ARL6IP6: variants seen among roughly 807,000 people sequenced by gnomAD.
ARL6IP6 encodes ARF like GTPase 6 interacting protein 6.
In ARL6IP6, 22 loss-of-function variants were observed where a neutral mutation model predicts 21.5. The ratio of observed to expected loss-of-function variants is 1.02; its 90% CI spans 0.73 to 1.46. ARL6IP6 has a LOEUF of 1.46. Ranked by LOEUF, ARL6IP6 falls within the 40% of genes most tolerant of loss-of-function variation. The pLI is 0.00. For missense variants in ARL6IP6, 388 were observed against 299.8 expected, an observed-to-expected ratio of 1.29 and a Z score of -2.17; for synonymous variants, 164 against 125.3, an observed-to-expected ratio of 1.31 and a Z score of -2.06.
At chr2:152,746,645 A>G (rs1438266576) in intron 3 of ARL6IP6, among the ~76,000 whole-genome samples, 2 of 152,114 alleles carry the variant, frequency 1.3e-5, no homozygotes, top group East Asian at 1.9e-4. Context: ...GTACCCTCAT[A>G]GGCAGTAAGT....
intron 3 of ARL6IP6, among the ~76,000 whole-genome samples, chr2:152,750,634 T>G (rs1021377060): frequency 5.6e-5 from 2 of 35,622 alleles, no homozygotes; most frequent in Non-Finnish European, 1.0e-4. Context: ...GTTCTTTTCT[T>G]TCCCTTTACA....
intron 3 of ARL6IP6, among the ~76,000 whole-genome samples, chr2:152,749,470 G>C (rs1375390324): frequency 3.9e-5 from 6 of 152,118 alleles, no homozygotes; most frequent in African/African-American, 1.2e-4. Context: ...GTTTTACTTG[G>C]AAGGGAGAAT....
chr2:152,721,694 TC>T (rs1699797546), intron 2 of ARL6IP6, among the ~76,000 whole-genome samples: 1 of 152,210 alleles, frequency 6.6e-6, no homozygotes. Flanking sequence ...ATGACACATG[TC>T]CTCCCCTCTC....
rs547911378 is a variant in ARL6IP6 at position 152,761,446 on chromosome 2, A to G, written c.*1606A>G. On this transcript the variant is annotated 3_prime_UTR_variant, in exon 4 of 4. Coordinates refer to ENST00000326446, the MANE Select transcript of ARL6IP6 (RefSeq NM_152522.7). ...AGAATCAATTTATCTTCTCTCCACCACTCTGTATTCCCACGCACCACCAAT... is the reference window on the plus strand; with the variant it reads ...AGAATCAATTTATCTTCTCTCCACCGCTCTGTATTCCCACGCACCACCAAT... Among the ~76,000 whole-genome samples the G allele has an allele frequency of 6.6e-6, 1 of 151,724 alleles. No individual in the cohort carries two copies. Among genetic ancestry groups the G allele is most frequent in the Non-Finnish European group, 1.5e-5 (1 of 67,948 alleles).
At chr2:152,719,565 A>G (rs897429041) in intron 1 of ARL6IP6, among the ~76,000 whole-genome samples, 1 of 152,180 alleles carries the variant, frequency 6.6e-6, no homozygotes, top group African/African-American at 2.4e-5. Flanking sequence ...TGTTGCAGAA[A>G]GTATAGTCCA....
chr2:152,745,828 C>T (rs907985295), intron 3 of ARL6IP6, among the ~76,000 whole-genome samples: 3 of 151,902 alleles, frequency 2.0e-5, no homozygotes, highest in African/African-American at 4.8e-5. Flanking sequence ...GGCATTGCAC[C>T]GCGGCTTCTT....
In ARL6IP6 at chr2:152,718,811, GC is replaced by G; in HGVS notation, c.188del (p.Ala63GlyfsTer68). ...CCTGCGGGCGGAGTTCTCGGCTGGG[GC>G]GTGGTCAGAGCCCAGAAAGCGCTCG... The part of the protein sequence containing the change: ...RDLRAEFSAG[A>X]WSEPRKRSVL... On this transcript the variant is annotated frameshift_variant, in exon 1 of 4. Coordinates refer to ENST00000326446, the MANE Select transcript of ARL6IP6 (RefSeq NM_152522.7). LOFTEE classifies it high-confidence loss of function. 6.2e-7 allele frequency: 1 copy of G among 1,608,432 alleles called. No homozygotes were observed. Among genetic ancestry groups the G allele is most frequent in the Non-Finnish European group, 8.5e-7 (1 of 1,177,264 alleles).
At chr2:152,718,328 C>G (rs966772992), upstream of ARL6IP6, 1 of 326,160 alleles carries the variant, frequency 3.1e-6, no homozygotes, top group Non-Finnish European at 5.3e-6. Flanking sequence ...CGGGACGAAG[C>G]CCCGCAGGGA....
At chr2:152,731,628 A>G (rs1451552090) in intron 2 of ARL6IP6, among the ~76,000 whole-genome samples, 1 of 152,060 alleles carries the variant, frequency 6.6e-6, no homozygotes, top group Non-Finnish European at 1.5e-5. Flanking sequence ...ATTTTTTACA[A>G]ATTTACTTAG....
At chr2:152,718,039 G>C, upstream of ARL6IP6, 1 of 995,302 alleles carries the variant, frequency 1.0e-6, no homozygotes, top group Non-Finnish European at 1.2e-6. Flanking sequence ...CGAGTAGCGG[G>C]AGGGAAGTTG....
chr2:152,738,407 C>G (rs750135270), intron 3 of ARL6IP6, among the ~76,000 whole-genome samples: 4 of 152,238 alleles, frequency 2.6e-5, no homozygotes, highest in Non-Finnish European at 4.4e-5. Context: ...GCTCCCACCC[C>G]ACATTTCCCT....
chr2:152,759,093 G>GA (rs1423075337), intron 3 of ARL6IP6, among the ~76,000 whole-genome samples: 1 of 152,132 alleles, frequency 6.6e-6, no homozygotes, highest in Non-Finnish European at 1.5e-5. Flanking sequence ...ACTGTTGTAA[G>GA]ATTGTTACAA....
rs149208313 is a variant in ARL6IP6 at position 152,718,867 on chromosome 2, C to A, written c.243C>A (p.Pro81=). The A allele has an allele frequency of 3.7e-5, 60 of 1,613,522 alleles. No homozygotes were observed. The African/African-American group carries it at 6.7e-4, about 18-fold the overall frequency. Residue 81 remains proline (P), a synonymous_variant, in exon 1 of 4, where the codon CCC becomes CCA. Coordinates refer to ENST00000326446, the MANE Select transcript of ARL6IP6 (RefSeq NM_152522.7). ...SVLPPDGNGS[P]VLPDKRNGIF... ...TCCCGCCGGACGGGAACGGGTCGCC[C>A]GTTCTGCCCGATAAGCGCAATGGTA...
rs769480444 is a variant in ARL6IP6, at chr2:152,759,784, A to C, written c.625A>C (p.Met209Leu). ...ACATTCTTTCCACATGGGCTATAGCATGGCGATTTTGAATGGCATCGTAGC... is the reference window on the plus strand; with the variant it reads ...ACATTCTTTCCACATGGGCTATAGCCTGGCGATTTTGAATGGCATCGTAGC... ...TGHSFHMGYS[M>L]AILNGIVAAL... is the part of the protein sequence containing the mutation. The change falls in exon 4 of 4, where the codon ATG (methionine) becomes CTG (leucine). Residue 209 changes from methionine to leucine, a missense_variant. Met to Leu is a conservative substitution (Grantham distance 15). Transcript: ENST00000326446. 6 of 1,613,344 alleles carry C rather than the reference A, an allele frequency of 3.7e-6. No homozygotes were observed. The highest frequency in any genetic ancestry group is 5.1e-6 in the Non-Finnish European group (6 of 1,179,582).
At chr2:152,719,048 GTC>G (rs1559217807) in intron 1 of ARL6IP6, 24 bp downstream of exon 1, 1 of 1,511,078 alleles carries the variant, frequency 6.6e-7, no homozygotes, top group Non-Finnish European at 8.8e-7. Context: ...CGCCTTGAAA[GTC>G]TGTCCAGAGT....
intron 2 of ARL6IP6, among the ~76,000 whole-genome samples, chr2:152,726,623 G>A (rs1485694878): frequency 6.6e-6 from 1 of 152,214 alleles, no homozygotes; most frequent in Non-Finnish European, 1.5e-5. Context: ...TTAGTTTCAT[G>A]CATATGATAC....
intron 2 of ARL6IP6, among the ~76,000 whole-genome samples, chr2:152,723,615 C>T (rs1245637989): frequency 6.6e-6 from 1 of 152,180 alleles, no homozygotes; most frequent in African/African-American, 2.4e-5. Context: ...AAATTTTGTA[C>T]ACTGCAGAAT....
upstream of ARL6IP6, chr2:152,718,618 T>G: frequency 6.6e-7 from 1 of 1,514,514 alleles, no homozygotes. Flanking sequence ...TCGTTGTGTT[T>G]CGCGCCATGT....
At chr2:152,727,880 T>C (rs1026921128) in intron 2 of ARL6IP6, among the ~76,000 whole-genome samples, 2 of 150,482 alleles carry the variant, frequency 1.3e-5, no homozygotes, top group Admixed American at 1.3e-4. Flanking sequence ...CTGTCATCAG[T>C]GTATGATTGT....
Sources: allele counts gnomAD v4.1 joint callset (sites outside exome capture counted in the v4.1 genomes callset), GRCh38; gene constraint gnomAD v4.1.1; transcripts MANE v1.5; gene names NCBI Gene and HGNC (gene_info 2026-07-23, HGNC 2026-07-21).